ACADSB: variants seen among roughly 807,000 people sequenced by gnomAD.
ACADSB encodes the protein short/branched chain specific acyl-CoA dehydrogenase, mitochondrial.
ACADSB carries 40 observed loss-of-function variants against 54.1 expected under a neutral mutation model. The ratio of observed to expected loss-of-function variants is 0.74; its 90% CI spans 0.57 to 0.96. The LOEUF (loss-of-function observed/expected upper bound fraction) is 0.96. Among genes scored for constraint, ACADSB ranks in the 40% least tolerant of loss-of-function variants. ACADSB has a pLI of 0.00. For missense variants in ACADSB, 530 were observed against 510.4 expected, an observed-to-expected ratio of 1.04 and a Z score of -0.37; for synonymous variants, 182 against 182.8, an observed-to-expected ratio of 1.00 and a Z score of 0.03.
At chr10:123,045,148 TATATATATATATA>T in intron 7 of ACADSB, among the ~76,000 whole-genome samples, 1 of 10,884 alleles carries the variant, frequency 9.2e-5, no homozygotes, top group African/African-American at 3.8e-4. Context: ...TATATATATA[TATATATATATATA>T]TATATATATA....
intron 6 of ACADSB, 105 bp downstream of exon 6, chr10:123,043,276 C>A: frequency 7.3e-7 from 1 of 1,378,714 alleles, no homozygotes. Context: ...TGGCTATAAG[C>A]ACACGCAGGA....
In ACADSB at chr10:123,052,932, T is replaced by C; in HGVS notation, c.1129-129T>C. The C allele has an allele frequency of 1.4e-6, 1 of 733,162 alleles. No homozygotes were observed. The highest frequency in any genetic ancestry group is 2.7e-5 in the East Asian group (1 of 37,100). 45.4% of individuals were successfully genotyped at this position (733,162 alleles called of 1,614,324 possible). A position where few individuals can be genotyped will look rare whatever the true frequency, so the allele number is the denominator to read the frequency against. ...ATGGGACTGAAGAGACAATGCTAGT[T>C]TAGAAGATAACTTTAGTCCTTCCAG... On this transcript the variant is annotated intron_variant, in intron 9 of 10. Transcript: ENST00000358776. The surrounding 1 kb of genome is among the most constrained non-coding windows in gnomAD (Gnocchi z 4.2).
chr10:123,009,344 G>A (rs777318906), intron 1 of ACADSB, among the ~76,000 whole-genome samples: 6 of 152,154 alleles, frequency 3.9e-5, no homozygotes, highest in Non-Finnish European at 8.8e-5. Flanking sequence ...GCGTCCGCAA[G>A]ATGTCCTTTG....
At chr10:123,015,245 G>A (rs1161961227) in intron 1 of ACADSB, among the ~76,000 whole-genome samples, 2 of 152,208 alleles carry the variant, frequency 1.3e-5, no homozygotes, top group Admixed American at 6.5e-5. Context: ...TCTGGTGCTA[G>A]GAAGACTAAG....
intron 5 of ACADSB, 51 bp from the exon 6 acceptor site, chr10:123,042,995 A>G (rs769538198): frequency 6.2e-7 from 1 of 1,601,028 alleles, no homozygotes; most frequent in South Asian, 1.1e-5. Context: ...CTTCAGAAAC[A>G]AGGCGTTTTA....
chr10:123,051,324 A>G (rs748810576), intron 9 of ACADSB, 138 bp downstream of exon 9: 7 of 1,146,704 alleles, frequency 6.1e-6, no homozygotes, highest in Non-Finnish European at 7.0e-6. Context: ...ATGGACTTTT[A>G]TTTCTTATAA....
At chr10:123,027,478 G>A (rs1400751160) in intron 1 of ACADSB, 1 of 453,324 alleles carries the variant, frequency 2.2e-6, no homozygotes, top group Non-Finnish European at 4.4e-6. Flanking sequence ...CATGAGATCT[G>A]ATGTGTTTAT....
intron 1 of ACADSB, among the ~76,000 whole-genome samples, chr10:123,033,882 A>G (rs1850360726): frequency 6.6e-6 from 1 of 152,160 alleles, no homozygotes; most frequent in Non-Finnish European, 1.5e-5. Context: ...ACAAAAGCCC[A>G]GCTGCCTGGG....
rs928365711 is a variant in ACADSB at position 123,013,496 on chromosome 10, G to A, written c.42+4425G>A. 6.6e-5 allele frequency among the ~76,000 whole-genome samples: 10 copies of A among 152,256 alleles called. No homozygotes were observed. The East Asian group carries it at 7.7e-4, about 12-fold the overall frequency. ...GAGCTGCCTGCCAGTCTCGCGCCTC[G>A]TGCCTGCACTCCTCAGCCCTTGGGC... On this transcript the variant is annotated intron_variant, in intron 1 of 10. Transcript: ENST00000358776.
At position 123,055,594 on chromosome 10, in the gene ACADSB, A is replaced by T. The variant is rs921247425; in HGVS notation, c.*1829A>T. ...TTTCAGCATTAACCCAAAAGTCCGCAGTCCAAAGTTTCATCTGAGACAAGG... is the reference window on the plus strand; with the variant it reads ...TTTCAGCATTAACCCAAAAGTCCGCTGTCCAAAGTTTCATCTGAGACAAGG... On this transcript the variant is annotated 3_prime_UTR_variant, in exon 11 of 11. Coordinates refer to ENST00000358776, the MANE Select transcript of ACADSB (RefSeq NM_001609.4). 1 of 152,210 alleles carries T rather than the reference A, an allele frequency of 6.6e-6. No individual in the cohort carries two copies. Among genetic ancestry groups the T allele is most frequent in the Non-Finnish European group, 1.5e-5 (1 of 68,052 alleles). 9.4% of individuals were successfully genotyped at this position (152,210 alleles called of 1,614,324 possible).
chr10:123,018,294 T>C (rs915742454), intron 1 of ACADSB, among the ~76,000 whole-genome samples: 1 of 152,244 alleles, frequency 6.6e-6, no homozygotes, highest in Non-Finnish European at 1.5e-5. Flanking sequence ...AATTGTTGAC[T>C]TGGCCAAGGT....
At chr10:123,012,567 TCTTC>T (rs1850050373) in intron 1 of ACADSB, among the ~76,000 whole-genome samples, 1 of 152,108 alleles carries the variant, frequency 6.6e-6, no homozygotes, top group Non-Finnish European at 1.5e-5. Context: ...GTTCGGAGTT[TCTTC>T]CTTCTGGTGG....
At chr10:123,033,287 T>C (rs1564749797) in intron 1 of ACADSB, among the ~76,000 whole-genome samples, 1 of 152,220 alleles carries the variant, frequency 6.6e-6, no homozygotes, top group African/African-American at 2.4e-5. Flanking sequence ...GAGCAGAGTA[T>C]GTCTGCTCCT....
intron 1 of ACADSB, among the ~76,000 whole-genome samples, chr10:123,021,077 A>G (rs1266044705): frequency 6.6e-6 from 1 of 152,176 alleles, no homozygotes; most frequent in Non-Finnish European, 1.5e-5. Flanking sequence ...TTCTTCTTCT[A>G]TTTGGTAGTT....
intron 1 of ACADSB, among the ~76,000 whole-genome samples, chr10:123,012,484 G>A (rs1034134794): frequency 7.2e-5 from 11 of 152,158 alleles, no homozygotes; most frequent in African/African-American, 1.2e-4. Context: ...ATGAAGCCAC[G>A]GACCCTCGCG....
At chr10:123,017,287 T>C (rs942284137) in intron 1 of ACADSB, among the ~76,000 whole-genome samples, 1 of 152,214 alleles carries the variant, frequency 6.6e-6, no homozygotes, top group African/African-American at 2.4e-5. Context: ...AAGGTCACAA[T>C]AAAGGCAAGC....
intron 9 of ACADSB, among the ~76,000 whole-genome samples, chr10:123,051,714 G>A (rs958657724): frequency 6.6e-6 from 1 of 152,266 alleles, no homozygotes; most frequent in Non-Finnish European, 1.5e-5. Context: ...AGAGAATTTA[G>A]CCAAATCACT....
In ACADSB at chr10:123,044,484, A is replaced by C. The variant is rs1472865426; in HGVS notation, c.899A>C (p.Gln300Pro). 6.2e-7 allele frequency: 1 copy of C among 1,608,818 alleles called. No individual in the cohort carries two copies. The highest frequency in any genetic ancestry group is 1.3e-5 in the African/African-American group (1 of 74,828). The change falls in exon 7 of 11, where the codon CAG (glutamine) becomes CCG (proline). Residue 300 changes from glutamine (Q) to proline (P), a missense_variant and splice_region_variant. By Grantham distance (76) the Gln-to-Pro change is moderately conservative. Coordinates refer to ENST00000358776, the MANE Select transcript of ACADSB (RefSeq NM_001609.4). Reference sequence around the variant, plus strand: ...GAAGGTAGAATAGGAATTGCTGCACAGGTAAGTCAGATTTAAACTCTTCCA... The same window carrying C: ...GAAGGTAGAATAGGAATTGCTGCACCGGTAAGTCAGATTTAAACTCTTCCA... ...LNEGRIGIAAQMLGLAQGCFD... is the reference protein window; with the variant it reads ...LNEGRIGIAAPMLGLAQGCFD...
chr10:123,045,174 T>TTA (rs1850544747), intron 7 of ACADSB, among the ~76,000 whole-genome samples: 1 of 61,272 alleles, frequency 1.6e-5, no homozygotes, highest in African/African-American at 6.9e-5. Flanking sequence ...TATATATATT[T>TTA]TTTTTTTTTT....
Sources: allele counts gnomAD v4.1 joint callset (sites outside exome capture counted in the v4.1 genomes callset), GRCh38; gene constraint gnomAD v4.1.1; non-coding constraint Gnocchi (gnomAD v3.1); transcripts MANE v1.5; gene names NCBI Gene and HGNC (gene_info 2026-07-23, HGNC 2026-07-21).